The following SLCO1A2 variants were observed in gnomAD, a reference collection of about 807,000 sequenced individuals.
The protein encoded by SLCO1A2 is solute carrier organic anion transporter family member 1A2.
In SLCO1A2, 67 loss-of-function variants were observed where a neutral mutation model predicts 69.0. The observed-to-expected ratio is 0.97, with a 90% CI of 0.80 to 1.19. The LOEUF is 1.19. Among genes scored for constraint, SLCO1A2 ranks in the 50% most tolerant of loss-of-function variants. The pLI is 0.00. For missense variants in SLCO1A2, 787 were observed against 793.7 expected (o/e 0.99, Z 0.10); for synonymous variants, 260 against 265.9 (o/e 0.98, Z 0.22).
intron 2 of SLCO1A2, among the ~76,000 whole-genome samples, chr12:21,360,777 G>T (rs527630111): frequency 6.6e-6 from 1 of 152,326 alleles, no homozygotes; most frequent in African/African-American, 2.4e-5. Context: ...ACCCACGGAG[G>T]CTCGCTCACT....
At chr12:21,344,014 A>G (rs1468014889) in intron 2 of SLCO1A2, among the ~76,000 whole-genome samples, 2 of 152,144 alleles carry the variant, frequency 1.3e-5, no homozygotes, top group Non-Finnish European at 2.9e-5. Context: ...CCTGATAAAT[A>G]GTGTCCTTTA....
At chr12:21,382,245 G>GT (rs1940631065) in intron 1 of SLCO1A2, among the ~76,000 whole-genome samples, 1 of 152,162 alleles carries the variant, frequency 6.6e-6, no homozygotes, top group Non-Finnish European at 1.5e-5. Context: ...ACCAAAAACT[G>GT]TATGTTCTCA....
intron 2 of SLCO1A2, among the ~76,000 whole-genome samples, chr12:21,366,864 A>T (rs1439475819): frequency 1.3e-5 from 2 of 152,044 alleles, no homozygotes; most frequent in Non-Finnish European, 2.9e-5. Flanking sequence ...AATAGTGAAA[A>T]TATATATAAA....
intron 1 of SLCO1A2, among the ~76,000 whole-genome samples, chr12:21,388,381 A>T (rs950972475): frequency 1.3e-5 from 2 of 152,148 alleles, no homozygotes; most frequent in African/African-American, 4.8e-5. Context: ...GAAGGGACCC[A>T]GTGGGAGGTA....
chr12:21,382,417 A>T (rs1177988275), intron 1 of SLCO1A2, among the ~76,000 whole-genome samples: 1 of 152,170 alleles, frequency 6.6e-6, no homozygotes, highest in Non-Finnish European at 1.5e-5. Flanking sequence ...TAAAATGTTA[A>T]AATTCACCAC....
rs747497143 is a variant in SLCO1A2, at chr12:21,295,606, G to A, written c.1262C>T (p.Ser421Phe). 7.0e-6 allele frequency: 11 copies of A among 1,565,268 alleles called. No homozygotes were observed. The South Asian group carries it at 1.0e-4, about 14-fold the overall frequency. The change falls in exon 10 of 15, where the codon TCT (serine) becomes TTT (phenylalanine). Residue 421 changes from serine (S) to phenylalanine (F), a missense_variant. Coordinates refer to ENST00000683939, the MANE Select transcript of SLCO1A2 (RefSeq NM_001386879.1). The stretch of plus-strand genomic sequence containing the variant: ...TTAGAAAACAACATACCCTTCATAA[G>A]AGGTATTTATTCCAACAACTGAAGA... ...ENSSVVGINT[S>F]YEGIPQDLYV...
At chr12:21,280,582 C>A (rs1944606420) in intron 12 of SLCO1A2, among the ~76,000 whole-genome samples, 1 of 149,562 alleles carries the variant, frequency 6.7e-6, no homozygotes, top group Admixed American at 6.7e-5. Flanking sequence ...ATATATAAAG[C>A]AAATATTATT....
intron 1 of SLCO1A2, among the ~76,000 whole-genome samples, chr12:21,414,791 C>T (rs1280402916): frequency 6.6e-6 from 1 of 151,978 alleles, no homozygotes. Context: ...TAGTATAATC[C>T]TGGATTTATA....
chr12:21,401,879 A>G (rs1941716826), intron 1 of SLCO1A2, among the ~76,000 whole-genome samples: 2 of 151,582 alleles, frequency 1.3e-5, no homozygotes, highest in African/African-American at 4.8e-5. Context: ...ATTATATGAT[A>G]AACACTTCAG....
intron 3 of SLCO1A2, among the ~76,000 whole-genome samples, chr12:21,316,422 T>C (rs1950869968): frequency 6.6e-6 from 1 of 152,168 alleles, no homozygotes; most frequent in African/African-American, 2.4e-5. Flanking sequence ...CTACCTTCAC[T>C]GCTTCCTAGC....
At position 21,291,415 on chromosome 12, in the gene SLCO1A2, G is replaced by A. The variant is rs557183225; in HGVS notation, c.1610+749C>T. On this transcript the variant is annotated intron_variant, in intron 12 of 14. Transcript: ENST00000683939. ...ATTGAATAGAAATAAATAAATAAAT[G>A]AAGTAAAATAAGAGAGAATCCTTGC... Among the ~76,000 whole-genome samples the A allele has an allele frequency of 4.6e-5, 7 of 152,194 alleles. No homozygotes were observed. The East Asian group carries it at 1.4e-3, about 29-fold the overall frequency.
At chr12:21,407,722 A>C (rs907451748) in intron 1 of SLCO1A2, among the ~76,000 whole-genome samples, 1 of 151,988 alleles carries the variant, frequency 6.6e-6, no homozygotes, top group African/African-American at 2.4e-5. Context: ...CTGGAGGATC[A>C]CTTGAGCCTG....
chr12:21,404,659 C>T (rs1237205585), intron 1 of SLCO1A2, among the ~76,000 whole-genome samples: 4 of 152,046 alleles, frequency 2.6e-5, no homozygotes, highest in Non-Finnish European at 5.9e-5. Context: ...GGGTTGATTC[C>T]ATGTCTTTGC....
chr12:21,296,059 T>C (rs918407003), intron 9 of SLCO1A2, among the ~76,000 whole-genome samples: 1 of 152,182 alleles, frequency 6.6e-6, no homozygotes, highest in Non-Finnish European at 1.5e-5. Flanking sequence ...GAATTTCTTA[T>C]AGGCAGAGAT....
In SLCO1A2 at chr12:21,317,113, G is replaced by A. The variant is rs563492814; in HGVS notation, c.202+1669C>T. Among the ~76,000 whole-genome samples, 9 of 151,716 alleles carry A rather than the reference G, an allele frequency of 5.9e-5. No homozygotes were observed. In the East Asian group the frequency reaches 7.7e-4, roughly 13 times the overall value. ...TTTATGCAATTAAAATTATTACTCC[G>A]GGATCATATGGTGTTAGAATGCTAA... is the stretch of plus-strand genomic sequence containing the variant. On this transcript the variant is annotated intron_variant, in intron 3 of 14. Coordinates refer to ENST00000683939, the MANE Select transcript of SLCO1A2 (RefSeq NM_001386879.1).
intron 2 of SLCO1A2, among the ~76,000 whole-genome samples, chr12:21,358,625 TC>T (rs1391631478): frequency 6.6e-6 from 1 of 152,146 alleles, no homozygotes; most frequent in Non-Finnish European, 1.5e-5. Context: ...TTAATACTTT[TC>T]AATTTTTAGT....
chr12:21,281,524 A>G (rs1944798047), intron 12 of SLCO1A2, among the ~76,000 whole-genome samples: 1 of 152,106 alleles, frequency 6.6e-6, no homozygotes, highest in East Asian at 1.9e-4. Context: ...CCAAACACAA[A>G]ATTAGTAGAA....
intron 2 of SLCO1A2, among the ~76,000 whole-genome samples, chr12:21,359,148 T>C (rs1938612872): frequency 6.6e-6 from 1 of 152,190 alleles, no homozygotes; most frequent in African/African-American, 2.4e-5. Flanking sequence ...AAGATTTTTA[T>C]ATACTTTAAG....
chr12:21,319,792 TAAC>T (rs943217008), intron 2 of SLCO1A2, among the ~76,000 whole-genome samples: 37 of 152,122 alleles, frequency 2.4e-4, no homozygotes, highest in African/African-American at 8.7e-4. Context: ...ATGCAATCCA[TAAC>T]AACATCAGGG....
Sources: allele counts gnomAD v4.1 joint callset (sites outside exome capture counted in the v4.1 genomes callset), GRCh38; gene constraint gnomAD v4.1.1; transcripts MANE v1.5; gene names NCBI Gene and HGNC (gene_info 2026-07-23, HGNC 2026-07-21).